Variants in CRACD observed in about 807,000 individuals in gnomAD.
CRACD encodes the protein capping protein inhibiting regulator of actin dynamics, also known as capping protein-inhibiting regulator of actin dynamics.
A neutral mutation model predicts 106.8 loss-of-function variants in CRACD; 56 were observed. That is an observed-to-expected ratio of 0.52 (90% CI 0.42 to 0.66). The LOEUF is 0.66. CRACD is among the 30% of genes least tolerant of loss of function. The pLI is 0.00. For synonymous variants in CRACD, 754 were observed against 670.8 expected, an observed-to-expected ratio of 1.12 and a Z score of -1.92; for missense variants, 1,730 against 1,623.2, an observed-to-expected ratio of 1.07 and a Z score of -1.13.
chr4:56,150,726 A>T (rs575117467), intron 1 of CRACD, among the ~76,000 whole-genome samples: 1 of 152,286 alleles, frequency 6.6e-6, no homozygotes, highest in South Asian at 2.1e-4. Flanking sequence ...TAATTCATTC[A>T]TTTGCATTAC....
intron 2 of CRACD, among the ~76,000 whole-genome samples, chr4:56,237,209 G>T (rs1740029300): frequency 6.6e-6 from 1 of 151,798 alleles, no homozygotes; most frequent in Non-Finnish European, 1.5e-5. Flanking sequence ...TGGCCTGGAG[G>T]GATATCTATG....
chr4:56,173,896 G>T (rs1449279373), intron 1 of CRACD, among the ~76,000 whole-genome samples: 2 of 152,108 alleles, frequency 1.3e-5, no homozygotes. Flanking sequence ...GTTATTTTCT[G>T]TATCTTTGAT....
intron 6 of CRACD, 55 bp downstream of exon 6, chr4:56,310,789 T>TA: frequency 3.7e-6 from 3 of 815,706 alleles, no homozygotes; most frequent in Non-Finnish European, 5.6e-6. Flanking sequence ...ACTTTCATCT[T>TA]CCCCCCCCCT....
rs537670389 is a variant in CRACD, at chr4:56,211,440, C to T, written c.-189+32010C>T. ...GCACCAGCTCAGCCCATGGCTGTTC[C>T]AGGTGTGCCCCAGCCTGCCTTTGTT... On this transcript the variant is annotated intron_variant, in intron 2 of 10. Coordinates refer to ENST00000682029, the MANE Select transcript of CRACD (RefSeq NM_001393381.1). Among the ~76,000 whole-genome samples the T allele has an allele frequency of 3.9e-5, 6 of 152,356 alleles. No homozygotes were observed. The East Asian group carries it at 1.2e-3, about 29-fold the overall frequency.
At chr4:56,170,104 C>T (rs1344054771) in intron 1 of CRACD, 2 of 152,854 alleles carry the variant, frequency 1.3e-5, no homozygotes, top group Admixed American at 1.3e-4. Context: ...TCCTCTTCCT[C>T]CTCCATCCCC....
intron 3 of CRACD, among the ~76,000 whole-genome samples, chr4:56,294,946 AAAAAG>A (rs1453717685): frequency 1.3e-5 from 2 of 150,810 alleles, no homozygotes; most frequent in African/African-American, 4.8e-5. Flanking sequence ...TAAAAAGAAA[AAAAAG>A]AAAAGAAAAG....
chr4:56,049,864 G>A (rs1263289419), intron 1 of CRACD: 1 of 152,234 alleles, frequency 6.6e-6, no homozygotes, highest in Non-Finnish European at 1.5e-5. Context: ...AAGGGCCGGG[G>A]CCAGGAGACT....
At chr4:56,248,450 A>G (rs978788694) in intron 2 of CRACD, among the ~76,000 whole-genome samples, 7 of 152,186 alleles carry the variant, frequency 4.6e-5, no homozygotes, top group Non-Finnish European at 1.0e-4. Context: ...GGTAGGTCAT[A>G]GGCATATATT....
intron 1 of CRACD, among the ~76,000 whole-genome samples, chr4:56,144,994 G>C (rs1030023030): frequency 6.6e-6 from 1 of 152,080 alleles, no homozygotes; most frequent in Non-Finnish European, 1.5e-5. Flanking sequence ...TGCCATGTTG[G>C]CCAGGCTGGT....
At chr4:56,090,544 A>G (rs1255497654) in intron 1 of CRACD, among the ~76,000 whole-genome samples, 3 of 152,032 alleles carry the variant, frequency 2.0e-5, no homozygotes, top group African/African-American at 7.2e-5. Context: ...ACAGGTGCGT[A>G]CCACCACACC....
intron 4 of CRACD, among the ~76,000 whole-genome samples, chr4:56,303,348 G>GAA (rs767375663): frequency 3.7e-5 from 5 of 134,178 alleles, no homozygotes; most frequent in African/African-American, 8.1e-5. Context: ...TCCTTTGTAG[G>GAA]AAAAAAAAAA....
chr4:56,293,546 G>A (rs972353538), intron 3 of CRACD, among the ~76,000 whole-genome samples: 8 of 152,324 alleles, frequency 5.3e-5, no homozygotes, highest in South Asian at 2.1e-4. Flanking sequence ...TTAATTGGCC[G>A]TGATCCTGCA....
At chr4:56,159,507 A>T (rs13114414) in intron 1 of CRACD, among the ~76,000 whole-genome samples, 1 of 151,044 alleles carries the variant, frequency 6.6e-6, no homozygotes, top group African/African-American at 2.4e-5. Context: ...ACAAAATTAG[A>T]CGGGCGTGGT....
intron 1 of CRACD, among the ~76,000 whole-genome samples, chr4:56,074,539 A>G (rs186728448): frequency 1.3e-5 from 2 of 152,284 alleles, no homozygotes; most frequent in Admixed American, 6.5e-5. Flanking sequence ...TTGATTTTGT[A>G]TCCCGATACT....
At chr4:56,107,972 A>G (rs957358582) in intron 1 of CRACD, among the ~76,000 whole-genome samples, 1 of 152,194 alleles carries the variant, frequency 6.6e-6, no homozygotes, top group Non-Finnish European at 1.5e-5. Flanking sequence ...ATCCCAGACT[A>G]TGTTAGATCT....
intron 2 of CRACD, among the ~76,000 whole-genome samples, chr4:56,203,061 A>T (rs1222746454): frequency 6.6e-6 from 1 of 152,236 alleles, no homozygotes; most frequent in East Asian, 1.9e-4. Flanking sequence ...GCATATTGCA[A>T]TAAGAATTAG....
intron 3 of CRACD, among the ~76,000 whole-genome samples, chr4:56,283,004 A>G (rs1342245571): frequency 6.6e-6 from 1 of 152,062 alleles, no homozygotes; most frequent in African/African-American, 2.4e-5. Flanking sequence ...GGGCTAACTT[A>G]GTTTGTTTTG....
intron 2 of CRACD, among the ~76,000 whole-genome samples, chr4:56,189,930 T>A (rs1307890370): frequency 6.7e-6 from 1 of 149,108 alleles, no homozygotes; most frequent in Non-Finnish European, 1.5e-5. Context: ...TAACTCATCA[T>A]CTAGCATTAG....
chr4:56,291,360 C>T (rs1338283913), intron 3 of CRACD, among the ~76,000 whole-genome samples: 3 of 152,268 alleles, frequency 2.0e-5, no homozygotes, highest in East Asian at 3.9e-4. Flanking sequence ...ATTGCCTCTC[C>T]ACCTCCCAAT....
Sources: allele counts gnomAD v4.1 joint callset (sites outside exome capture counted in the v4.1 genomes callset), GRCh38; gene constraint gnomAD v4.1.1; transcripts MANE v1.5; gene names NCBI Gene and HGNC (gene_info 2026-07-23, HGNC 2026-07-21).